The following UNC5B variants were observed in gnomAD, a reference collection of about 807,000 sequenced individuals.
The protein encoded by UNC5B is unc-5 netrin receptor B.
Under a neutral mutation model 103.7 loss-of-function variants are expected in UNC5B, and 56 were observed. The observed-to-expected ratio is 0.54, with a 90% CI of 0.44 to 0.67. The LOEUF is 0.67. Ranked by LOEUF, UNC5B falls within the 30% of genes least tolerant of loss-of-function variation. The pLI is 0.00. For synonymous variants in UNC5B, 577 were observed against 542.0 expected (o/e 1.06, Z -0.90); for missense variants, 1,194 against 1,284.5 (o/e 0.93, Z 1.08).
intron 4 of UNC5B, among the ~76,000 whole-genome samples, chr10:71,285,809 GCTGATCACCCCTTC>G (rs530014160): frequency 3.9e-4 from 60 of 152,154 alleles, no homozygotes; most frequent in Non-Finnish European, 7.3e-4. Context: ...TCCCCCACGA[GCTGATCACCCCTTC>G]CTGAAACCAC....
At chr10:71,222,867 G>T (rs957870494) in intron 1 of UNC5B, among the ~76,000 whole-genome samples, 1 of 152,250 alleles carries the variant, frequency 6.6e-6, no homozygotes, top group African/African-American at 2.4e-5. Context: ...GATCAGAGGC[G>T]TCCGCCTGCC....
chr10:71,291,043 A>T lies in UNC5B; in HGVS notation c.1228A>T (p.Ile410Phe). 6.2e-7 allele frequency: 1 copy of T among 1,614,182 alleles called. No homozygotes were observed. Among genetic ancestry groups the T allele is most frequent in the Non-Finnish European group, 8.5e-7 (1 of 1,180,022 alleles). Residue 410 changes from isoleucine (I) to phenylalanine (F), a missense_variant, in exon 9 of 17, where the codon ATC (isoleucine) becomes TTC (phenylalanine). Ile to Phe is a conservative substitution (Grantham distance 21, BLOSUM62 0). Coordinates refer to ENST00000335350, the MANE Select transcript of UNC5B (RefSeq NM_170744.5). ...CAACTGCCGTGACTTCGACACAGAC[A>T]TCACTGACTCATCTGCTGCCCTGAC... ...RRNCRDFDTD[I>F]TDSSAALTGG...
At chr10:71,298,812 T>G (rs1322639635) in intron 16 of UNC5B, among the ~76,000 whole-genome samples, 2 of 152,158 alleles carry the variant, frequency 1.3e-5, no homozygotes, top group Non-Finnish European at 2.9e-5. Context: ...ATGATGATGA[T>G]GAACAAGATG....
At chr10:71,261,546 A>G (rs1844417241) in intron 1 of UNC5B, among the ~76,000 whole-genome samples, 2 of 152,178 alleles carry the variant, frequency 1.3e-5, no homozygotes, top group Non-Finnish European at 2.9e-5. Flanking sequence ...CTGAGCCTCA[A>G]TTTCTTCATC....
In UNC5B at chr10:71,224,364, G is replaced by GACGCACACAC. The variant is rs1197780490; in HGVS notation, c.79+11302_79+11303insGCACACACAC. On this transcript the variant is annotated intron_variant, in intron 1 of 16. Transcript: ENST00000335350. ...CTGGTCCATCCCACTTCTGTATGTA[G>GACGCACACAC]ACACACACACACACACACACACACA... 6.8e-3 allele frequency among the ~76,000 whole-genome samples: 665 copies of GACGCACACAC among 97,338 alleles called. 56 individuals are homozygous for GACGCACACAC. Among genetic ancestry groups the GACGCACACAC allele is most frequent in the East Asian group, 0.011 (44 of 3,880 alleles). 63.9% of individuals were successfully genotyped at this position (97,338 alleles called of 152,430 possible). A position where few individuals can be genotyped will look rare whatever the true frequency, so the allele number is the denominator to read the frequency against.
intron 1 of UNC5B, among the ~76,000 whole-genome samples, chr10:71,264,430 G>A (rs569634804): frequency 1.3e-5 from 2 of 152,154 alleles, no homozygotes; most frequent in Non-Finnish European, 2.9e-5. Context: ...CCAGAGAGGC[G>A]AATTTGCAGG....
intron 1 of UNC5B, among the ~76,000 whole-genome samples, chr10:71,243,536 G>C (rs1564713403): frequency 6.6e-6 from 1 of 152,320 alleles, no homozygotes; most frequent in East Asian, 1.9e-4. Flanking sequence ...CCACTGTGTT[G>C]GATGGCACAG....
intron 1 of UNC5B, among the ~76,000 whole-genome samples, chr10:71,231,866 C>A (rs1843690904): frequency 6.6e-6 from 1 of 152,148 alleles, no homozygotes; most frequent in Non-Finnish European, 1.5e-5. Flanking sequence ...CTTAATTGGT[C>A]TTGGGTTCTG....
At position 71,213,927 on chromosome 10, in the gene UNC5B, TC is replaced by T. The variant is rs1369366978; in HGVS notation, c.79+866del. On this transcript the variant is annotated intron_variant, in intron 1 of 16. Coordinates refer to ENST00000335350, the MANE Select transcript of UNC5B (RefSeq NM_170744.5). This position sits in a 1 kb window ranked among gnomAD's most constrained non-coding sequence, Gnocchi z 4.1. ...CGAACTGGTGGGCTCCGAAATAAAG[TC>T]CCTAACCCTCCTCTCTCGCCGTGGA... Among the ~76,000 whole-genome samples the T allele has an allele frequency of 6.6e-6, 1 of 151,538 alleles. No individual in the cohort carries two copies. Among genetic ancestry groups the T allele is most frequent in the Non-Finnish European group, 1.5e-5 (1 of 67,910 alleles).
intron 8 of UNC5B, 84 bp from the exon 9 acceptor site, chr10:71,290,831 G>A (rs891150626): frequency 5.4e-6 from 8 of 1,482,404 alleles, no homozygotes; most frequent in South Asian, 1.3e-5. Context: ...CCTGGGCCCT[G>A]CCCTTTCCAG....
chr10:71,281,942 C>G (rs1844940773), intron 2 of UNC5B, among the ~76,000 whole-genome samples: 1 of 152,236 alleles, frequency 6.6e-6, no homozygotes, highest in Non-Finnish European at 1.5e-5. Context: ...CTGAGCCCCT[C>G]TGGCCTGTAT....
chr10:71,287,492 A>G, intron 5 of UNC5B, 106 bp from the exon 6 acceptor site: 1 of 1,405,060 alleles, frequency 7.1e-7, no homozygotes, highest in Non-Finnish European at 9.5e-7. Context: ...TCTCACTAGG[A>G]AGGCCAGGCT....
chr10:71,256,443 A>G (rs1589169717), intron 1 of UNC5B, among the ~76,000 whole-genome samples: 2 of 152,360 alleles, frequency 1.3e-5, no homozygotes, highest in Non-Finnish European at 1.5e-5. Flanking sequence ...GGAAGCTCGA[A>G]TGGAGGGAGA....
intron 1 of UNC5B, among the ~76,000 whole-genome samples, chr10:71,272,527 C>T (rs571060111): frequency 1.3e-5 from 2 of 152,312 alleles, no homozygotes; most frequent in African/African-American, 4.8e-5. Flanking sequence ...ATTTCCATCC[C>T]AGGCATGGGA....
Position 71,213,901 on chromosome 10 carries a change from G to A in UNC5B, c.79+837G>A, listed in dbSNP as rs1458659793. 2.0e-5 allele frequency among the ~76,000 whole-genome samples: 3 copies of A among 151,986 alleles called. No individual in the cohort carries two copies. Among genetic ancestry groups the A allele is most frequent in the Non-Finnish European group, 4.4e-5 (3 of 67,980 alleles). The stretch of plus-strand genomic sequence containing the variant: ...CTCTGGACCCACCAAGATGACTTCA[G>A]CGAACTGGTGGGCTCCGAAATAAAG... On this transcript the variant is annotated intron_variant, in intron 1 of 16. Transcript: ENST00000335350. This position sits in a 1 kb window ranked among gnomAD's most constrained non-coding sequence, Gnocchi z 4.1.
Position 71,240,484 on chromosome 10 carries a change from G to A in UNC5B, c.79+27420G>A, listed in dbSNP as rs1446665052. On this transcript the variant is annotated intron_variant, in intron 1 of 16. Coordinates refer to ENST00000335350, the MANE Select transcript of UNC5B (RefSeq NM_170744.5). ...TGCCTCTGATAGGCACAGGCCGTGG[G>A]CACAGGGCCAGCAGGGTGGACACGG... 2.6e-5 allele frequency among the ~76,000 whole-genome samples: 4 copies of A among 152,378 alleles called. No individual in the cohort carries two copies. In the East Asian group the frequency reaches 5.8e-4, roughly 22 times the overall value.
At chr10:71,286,576 G>A (rs1242359854) in intron 4 of UNC5B, 113 bp from the exon 5 acceptor site, 2 of 1,347,680 alleles carry the variant, frequency 1.5e-6, no homozygotes, top group Non-Finnish European at 2.1e-6. Context: ...GTCCCACCAA[G>A]GCCCTGCCTC....
intron 1 of UNC5B, among the ~76,000 whole-genome samples, chr10:71,227,707 TACACACACACACACACAC>T (rs57747777): frequency 0.019 from 2,489 of 128,028 alleles, 231 homozygotes; most frequent in Admixed American, 0.15. Flanking sequence ...TACACACATA[TACACACACACACACACAC>T]ACACACACAC....
chr10:71,250,482 T>C (rs187984586), intron 1 of UNC5B, among the ~76,000 whole-genome samples: 2 of 152,332 alleles, frequency 1.3e-5, no homozygotes, highest in East Asian at 1.9e-4. Flanking sequence ...TCCCCAGACC[T>C]GTATAGCCTG....
Sources: gnomAD v4.1 joint callset for allele counts (sites outside exome capture counted in the v4.1 genomes callset) on GRCh38, gnomAD v4.1.1 for gene constraint, Gnocchi (gnomAD v3.1) non-coding constraint, MANE v1.5 for transcripts, NCBI Gene and HGNC (gene_info 2026-07-23, HGNC 2026-07-21) for gene names.